PTPRO: variants seen among roughly 807,000 people sequenced by gnomAD.
PTPRO encodes the protein protein tyrosine phosphatase receptor type O, also known as receptor-type tyrosine-protein phosphatase O.
Under a neutral mutation model 145.2 loss-of-function variants are expected in PTPRO, and 62 were observed. The ratio of observed to expected loss-of-function variants is 0.43; its 90% CI spans 0.35 to 0.53. The LOEUF is 0.53. PTPRO is among the 20% of genes least tolerant of loss of function. The probability of loss-of-function intolerance (pLI) is 0.01; values close to 1 mark genes in which losing one functional copy is unlikely to be tolerated. For missense variants in PTPRO, 1,345 were observed against 1,482.7 expected (o/e 0.91, Z 1.53); for synonymous variants, 565 against 514.7 (o/e 1.10, Z -1.32).
At position 15,415,386 on chromosome 12, in the gene PTPRO, A is replaced by ATTTT. The variant is rs58919838; in HGVS notation, c.76-68575_76-68572dup. 5.0e-4 allele frequency among the ~76,000 whole-genome samples: 66 copies of ATTTT among 132,518 alleles called. 1 individual carries two copies. Among genetic ancestry groups the ATTTT allele is most frequent in the African/African-American group, 1.6e-3 (62 of 37,608 alleles). 86.9% of individuals were successfully genotyped at this position (132,518 alleles called of 152,430 possible). A position where few individuals can be genotyped will look rare whatever the true frequency, so the allele number is the denominator to read the frequency against. ...ATCAGGGATTTGTTAGGTGAAATGA[A>ATTTT]TTTTTTTTTTTTTTTTGAGATGGAG... On this transcript the variant is annotated intron_variant, in intron 1 of 26. Coordinates refer to ENST00000281171, the MANE Select transcript of PTPRO (RefSeq NM_030667.3).
intron 1 of PTPRO, among the ~76,000 whole-genome samples, chr12:15,344,189 T>C (rs1446566411): frequency 1.3e-5 from 2 of 152,190 alleles, no homozygotes; most frequent in African/African-American, 2.4e-5. Context: ...CACTTGAACA[T>C]TGTTAATGTT....
intron 1 of PTPRO, among the ~76,000 whole-genome samples, chr12:15,389,905 C>G (rs1457498602): frequency 6.6e-6 from 1 of 152,092 alleles, no homozygotes; most frequent in Non-Finnish European, 1.5e-5. Context: ...AAAACTTTTT[C>G]AAGCCTTGTT....
chr12:15,548,854 A>T (rs1943374251), intron 13 of PTPRO, among the ~76,000 whole-genome samples: 1 of 152,140 alleles, frequency 6.6e-6, no homozygotes, highest in Non-Finnish European at 1.5e-5. Flanking sequence ...ATGTTCATAC[A>T]TCCATAAAAT....
chr12:15,546,874 A>G (rs76014465), intron 13 of PTPRO, among the ~76,000 whole-genome samples, 166 bp downstream of exon 13: 1 of 152,238 alleles, frequency 6.6e-6, no homozygotes, highest in Non-Finnish European at 1.5e-5. Context: ...ACCAAGCCCA[A>G]AAGTTGTTAT....
intron 7 of PTPRO, among the ~76,000 whole-genome samples, chr12:15,513,662 T>TA: frequency 1.3e-5 from 2 of 152,280 alleles, no homozygotes; most frequent in Middle Eastern, 6.8e-3. Flanking sequence ...AAAAACACCT[T>TA]ACAGCATAGA....
At chr12:15,406,139 A>G (rs904421456) in intron 1 of PTPRO, among the ~76,000 whole-genome samples, 3 of 152,340 alleles carry the variant, frequency 2.0e-5, no homozygotes, top group Admixed American at 2.0e-4. Context: ...GAGTCATCAG[A>G]GTCCATTGTT....
chr12:15,352,575 C>T (rs1010432014), intron 1 of PTPRO, among the ~76,000 whole-genome samples: 2 of 147,942 alleles, frequency 1.4e-5, no homozygotes, highest in Non-Finnish European at 3.0e-5. Flanking sequence ...GGTGTGAACT[C>T]GGGAGGCGAG....
At chr12:15,520,358 G>A in intron 10 of PTPRO, 46 bp downstream of exon 10, 2 of 1,426,818 alleles carry the variant, frequency 1.4e-6, no homozygotes, top group Non-Finnish European at 2.0e-6. Context: ...GAGCATTATT[G>A]TGAGGAGTTA....
intron 16 of PTPRO, among the ~76,000 whole-genome samples, chr12:15,559,092 T>C (rs1420866146): frequency 6.6e-6 from 1 of 152,176 alleles, no homozygotes; most frequent in East Asian, 1.9e-4. Context: ...GAGTGGCCCA[T>C]CTAGGAACCA....
intron 7 of PTPRO, among the ~76,000 whole-genome samples, chr12:15,509,968 G>T (rs1326910965): frequency 1.3e-5 from 2 of 152,088 alleles, no homozygotes; most frequent in African/African-American, 4.8e-5. Context: ...CTAAATTCTG[G>T]CCTTATGTTT....
intron 12 of PTPRO, among the ~76,000 whole-genome samples, chr12:15,544,374 A>G (rs1342655003): frequency 6.6e-6 from 1 of 151,776 alleles, no homozygotes; most frequent in African/African-American, 2.4e-5. Flanking sequence ...GCATGGTGGC[A>G]TGCGCCTGTA....
intron 1 of PTPRO, among the ~76,000 whole-genome samples, chr12:15,465,811 G>T (rs1941402645): frequency 1.3e-5 from 2 of 152,162 alleles, no homozygotes; most frequent in African/African-American, 4.8e-5. Flanking sequence ...TGTCAGATAA[G>T]ATGGATGGTA....
chr12:15,412,613 T>G (rs558784307), intron 1 of PTPRO, among the ~76,000 whole-genome samples: 2 of 152,254 alleles, frequency 1.3e-5, no homozygotes, highest in Admixed American at 1.3e-4. Flanking sequence ...TAACATTTTA[T>G]TTTGTATCTT....
intron 2 of PTPRO, among the ~76,000 whole-genome samples, chr12:15,494,040 T>C (rs1372694005): frequency 6.6e-6 from 1 of 152,048 alleles, no homozygotes; most frequent in Admixed American, 6.6e-5. Flanking sequence ...ATTTAAAACA[T>C]GAAACAATGT....
Position 15,420,551 on chromosome 12 carries a change from C to T in PTPRO, c.76-63423C>T, listed in dbSNP as rs192806874. ...ACATTTCCTGACCAACTCATGCCAC[C>T]ATTGAATGGCCCCTTAAGCTTAAGT... On this transcript the variant is annotated intron_variant, in intron 1 of 26. Transcript: ENST00000281171. 1.8e-3 allele frequency among the ~76,000 whole-genome samples: 278 copies of T among 151,796 alleles called. 14 individuals carry two copies. The highest frequency in any genetic ancestry group is 6.5e-3 in the African/African-American group (266 of 41,080).
At chr12:15,514,803 G>T (rs1200975156) in intron 7 of PTPRO, among the ~76,000 whole-genome samples, 1 of 151,648 alleles carries the variant, frequency 6.6e-6, no homozygotes, top group Non-Finnish European at 1.5e-5. Context: ...TCACTCTGTT[G>T]CCCAGGCTGG....
intron 19 of PTPRO, among the ~76,000 whole-genome samples, chr12:15,572,690 GT>G (rs1231566397): frequency 1.3e-5 from 2 of 151,980 alleles, no homozygotes; most frequent in Non-Finnish European, 2.9e-5. Flanking sequence ...CAGAAGTTGT[GT>G]ATTTAAAAAA....
intron 12 of PTPRO, among the ~76,000 whole-genome samples, chr12:15,545,511 A>G (rs531338982): frequency 6.6e-6 from 1 of 151,216 alleles, no homozygotes; most frequent in Non-Finnish European, 1.5e-5. Flanking sequence ...TCAGGAATGG[A>G]GAATGAGACA....
intron 1 of PTPRO, among the ~76,000 whole-genome samples, chr12:15,347,704 A>G (rs773119209): frequency 2.0e-5 from 3 of 152,260 alleles, no homozygotes; most frequent in Admixed American, 1.3e-4. Context: ...GGACTGAACC[A>G]GAGACTCTTA....
Sources: gnomAD v4.1 joint callset for allele counts (sites outside exome capture counted in the v4.1 genomes callset) on GRCh38, gnomAD v4.1.1 for gene constraint, MANE v1.5 for transcripts, NCBI Gene and HGNC (gene_info 2026-07-23, HGNC 2026-07-21) for gene names.